COLEC10: variants seen among roughly 807,000 people sequenced by gnomAD.
COLEC10 encodes the protein collectin subfamily member 10.
Under a neutral mutation model 28.4 loss-of-function variants are expected in COLEC10, and 22 were observed. That is an observed-to-expected ratio of 0.78 (90% CI 0.55 to 1.11). The LOEUF (loss-of-function observed/expected upper bound fraction) is 1.11. Among genes scored for constraint, COLEC10 ranks in the 50% least tolerant of loss-of-function variants. The pLI is 0.00. For synonymous variants in COLEC10, 125 were observed against 116.1 expected (o/e 1.08, Z -0.49); for missense variants, 361 against 344.1 (o/e 1.05, Z -0.39).
In COLEC10 at chr8:119,106,255, C is replaced by T. The variant is rs201640662; in HGVS notation, c.*64C>T. ...GTCATTACAGTTATTGTTATCCATCCTTTTTTTCCTGATTGTACTACATTT... is the reference window on the plus strand; with the variant it reads ...GTCATTACAGTTATTGTTATCCATCTTTTTTTTCCTGATTGTACTACATTT... On this transcript the variant is annotated 3_prime_UTR_variant, in exon 6 of 6. Transcript: ENST00000332843. The T allele has an allele frequency of 2.0e-6, 3 of 1,490,718 alleles. No homozygotes were observed. Among genetic ancestry groups the T allele is most frequent in the African/African-American group, 1.5e-5 (1 of 65,670 alleles). The allele number at this position is 1,490,718 out of a possible 1,614,324, so 92.3% of individuals were successfully genotyped here. A position where few individuals can be genotyped will look rare whatever the true frequency, so the allele number is the denominator to read the frequency against.
chr8:118,959,349 CAGGCTCTG>C, the COLEC10 span, among the ~76,000 whole-genome samples: 1 of 152,248 alleles, frequency 6.6e-6, no homozygotes, highest in East Asian at 1.9e-4. Flanking sequence ...GATTAGAGCT[CAGGCTCTG>C]AGGCTAGACT....
At chr8:119,017,674 T>G (rs776339786) in intron 2 of COLEC10, among the ~76,000 whole-genome samples, 2 of 152,174 alleles carry the variant, frequency 1.3e-5, no homozygotes, top group Admixed American at 1.3e-4. Context: ...TACATCACTA[T>G]GCATACCACT....
At chr8:119,020,807 C>A (rs1814076852) in intron 2 of COLEC10, among the ~76,000 whole-genome samples, 2 of 152,104 alleles carry the variant, frequency 1.3e-5, no homozygotes, top group East Asian at 3.9e-4. Flanking sequence ...TTATTTACAA[C>A]ATGCCTAGTT....
intron 2 of COLEC10, among the ~76,000 whole-genome samples, chr8:119,017,376 TC>T (rs1188508368): frequency 1.3e-5 from 2 of 152,184 alleles, no homozygotes; most frequent in African/African-American, 4.8e-5. Context: ...GTAATTGTTT[TC>T]AAGACTATAG....
At chr8:119,075,038 C>T (rs1815200693) in intron 1 of COLEC10, among the ~76,000 whole-genome samples, 1 of 152,166 alleles carries the variant, frequency 6.6e-6, no homozygotes, top group African/African-American at 2.4e-5. Flanking sequence ...GAGAGCAAAA[C>T]CCAAGGGAGA....
At chr8:119,068,651 A>C (rs1260116050) in intron 1 of COLEC10, 1 of 152,128 alleles carries the variant, frequency 6.6e-6, no homozygotes, top group Non-Finnish European at 1.5e-5. Flanking sequence ...CCTAATAGAA[A>C]ACTTCTCCCT....
At chr8:119,052,857 C>A (rs1186432059) in intron 2 of COLEC10, among the ~76,000 whole-genome samples, 10 of 152,082 alleles carry the variant, frequency 6.6e-5, no homozygotes, top group African/African-American at 2.4e-4. Flanking sequence ...GAGCTAAAAT[C>A]TCTGCAAAGT....
chr8:119,105,898 G>A lies in COLEC10; in HGVS notation c.541G>A (p.Gly181Arg). The change falls in exon 6 of 6, where the codon GGA becomes AGA. Residue 181 changes from glycine (G) to arginine (R), a missense_variant. Physicochemically the swap from Gly to Arg is moderately radical, Grantham distance 125. Around this residue, in one of 3 missense-constraint regions of COLEC10, gnomAD observed 335 missense variants for 308.5 expected, o/e 1.09. Transcript: ENST00000332843. ...ESLTHCRIRG[G>R]MLAMPKDEAA... ...CCTAACCCACTGCAGGATTCGGGGT[G>A]GAATGCTAGCCATGCCCAAGGATGA... 1 of 1,613,868 alleles carries A rather than the reference G, an allele frequency of 6.2e-7. No homozygotes were observed. The highest frequency in any genetic ancestry group is 8.5e-7 in the Non-Finnish European group (1 of 1,179,896).
chr8:119,040,546 G>A (rs1258716599), intron 2 of COLEC10, among the ~76,000 whole-genome samples: 1 of 152,126 alleles, frequency 6.6e-6, no homozygotes, highest in African/African-American at 2.4e-5. Context: ...AAAGGTAAAT[G>A]GGAAGGCTAT....
chr8:119,100,619 G>C (rs1253650363), intron 3 of COLEC10, among the ~76,000 whole-genome samples: 2 of 152,172 alleles, frequency 1.3e-5, no homozygotes, highest in African/African-American at 4.8e-5. Context: ...CTTTCATTCA[G>C]TTGCTGAAGC....
At chr8:119,010,567 G>T (rs1813886371) in intron 2 of COLEC10, among the ~76,000 whole-genome samples, 1 of 150,890 alleles carries the variant, frequency 6.6e-6, no homozygotes, top group Admixed American at 6.6e-5. Flanking sequence ...GTTTATATTT[G>T]TATGACACTG....
chr8:119,105,711 A>C (rs1261142739), intron 5 of COLEC10, 89 bp from the exon 6 acceptor site: 3 of 1,181,646 alleles, frequency 2.5e-6, no homozygotes, highest in Non-Finnish European at 3.5e-6. Flanking sequence ...ATATTGAATA[A>C]ATAAATGTAA....
intron 2 of COLEC10, among the ~76,000 whole-genome samples, chr8:119,061,402 A>AT (rs11442256): frequency 0.22 from 33,031 of 151,194 alleles, 3,886 homozygotes; most frequent in East Asian, 0.47. Flanking sequence ...AAAGGTCCAC[A>AT]TTAAGGCCAT....
chr8:119,073,846 G>C (rs1308954358), intron 1 of COLEC10, among the ~76,000 whole-genome samples: 1 of 151,848 alleles, frequency 6.6e-6, no homozygotes. Context: ...AGAGATCATA[G>C]TAATATGCAT....
At chr8:119,065,600 C>G (rs143700789), upstream of COLEC10, among the ~76,000 whole-genome samples, 19 of 152,096 alleles carry the variant, frequency 1.2e-4, no homozygotes, top group East Asian at 3.7e-3. Flanking sequence ...CTCACACCTG[C>G]GATCCCAGCA....
intron 2 of COLEC10, among the ~76,000 whole-genome samples, chr8:119,034,508 C>T (rs373218471): frequency 6.6e-6 from 1 of 151,424 alleles, no homozygotes; most frequent in East Asian, 1.9e-4. Context: ...GTCAGGAGTT[C>T]AAGATCAGAC....
the COLEC10 span, among the ~76,000 whole-genome samples, chr8:118,965,269 T>G: frequency 6.6e-6 from 1 of 152,044 alleles, no homozygotes; most frequent in Non-Finnish European, 1.5e-5. Context: ...CAAAATATCA[T>G]AGAGAACTCA....
intron 1 of COLEC10, among the ~76,000 whole-genome samples, chr8:119,078,114 T>C (rs540588733): frequency 7.9e-5 from 12 of 152,216 alleles, no homozygotes; most frequent in Non-Finnish European, 1.5e-4. Context: ...TCCTCCTACA[T>C]GACCCAAACA....
chr8:119,028,507 A>G (rs1041562639), intron 2 of COLEC10, among the ~76,000 whole-genome samples: 1 of 152,146 alleles, frequency 6.6e-6, no homozygotes, highest in African/African-American at 2.4e-5. Context: ...GGAAGAAGCC[A>G]AAGAGGAAAC....
Sources: allele counts gnomAD v4.1 joint callset (sites outside exome capture counted in the v4.1 genomes callset), GRCh38; gene constraint gnomAD v4.1.1; regional missense constraint gnomAD v4.1.1; transcripts MANE v1.5; gene names NCBI Gene and HGNC (gene_info 2026-07-23, HGNC 2026-07-21).